Variants in SLC8A1 observed in about 807,000 individuals in gnomAD.
SLC8A1 encodes the protein sodium/calcium exchanger 1.
In SLC8A1, 18 loss-of-function variants were observed where a neutral mutation model predicts 68.3. The ratio of observed to expected loss-of-function variants is 0.26; its 90% CI spans 0.18 to 0.39. The LOEUF (loss-of-function observed/expected upper bound fraction) is 0.39. SLC8A1 is among the 10% of genes least tolerant of loss of function. The pLI, the probability that SLC8A1 is intolerant of heterozygous loss-of-function variation, is 1.00. For missense variants in SLC8A1, 985 were observed against 1,156.7 expected (o/e 0.85, Z 2.15); for synonymous variants, 475 against 415.5 (o/e 1.14, Z -1.74).
intron 6 of SLC8A1, among the ~76,000 whole-genome samples, chr2:40,145,341 AG>A (rs1371288194): frequency 1.3e-5 from 2 of 152,104 alleles, no homozygotes; most frequent in Non-Finnish European, 2.9e-5. Flanking sequence ...TGGTTGCCAA[AG>A]GTCAACCATC....
At chr2:40,184,535 A>G (rs2050272157) in intron 2 of SLC8A1, among the ~76,000 whole-genome samples, 4 of 152,214 alleles carry the variant, frequency 2.6e-5, no homozygotes. Context: ...ACTCATGCAC[A>G]GTGATTTCCT....
intron 2 of SLC8A1, among the ~76,000 whole-genome samples, chr2:40,352,075 G>C (rs540109673): frequency 6.6e-6 from 1 of 152,100 alleles, no homozygotes; most frequent in Non-Finnish European, 1.5e-5. Context: ...ATTATGCCTA[G>C]AAATTGTAAC....
intron 7 of SLC8A1, among the ~76,000 whole-genome samples, chr2:40,127,462 A>G (rs2038376888): frequency 1.3e-5 from 2 of 152,074 alleles, no homozygotes; most frequent in Admixed American, 1.3e-4. Context: ...GATTTGCCAT[A>G]TTTCACCCAT....
exon 8 of SLC8A1, chr2:40,115,211 T>C (rs561829178): frequency 3.7e-6 from 5 of 1,341,698 alleles, no homozygotes; most frequent in Non-Finnish European, 5.0e-6. Context: ...TTTTTATGTA[T>C]ATATATGTAT....
chr2:40,330,893 T>C (rs1387795661), intron 2 of SLC8A1, among the ~76,000 whole-genome samples: 3 of 152,174 alleles, frequency 2.0e-5, no homozygotes, highest in Non-Finnish European at 4.4e-5. Flanking sequence ...TAACTACAGA[T>C]AAATATCTAA....
At chr2:40,498,232 T>C (rs1022289044) in intron 1 of SLC8A1, among the ~76,000 whole-genome samples, 1 of 152,076 alleles carries the variant, frequency 6.6e-6, no homozygotes, top group African/African-American at 2.4e-5. Flanking sequence ...ATATATTGGT[T>C]GGACGGTGAA....
intron 1 of SLC8A1, among the ~76,000 whole-genome samples, chr2:40,442,055 G>T (rs1295536265): frequency 1.9e-5 from 2 of 103,400 alleles, no homozygotes; most frequent in East Asian, 3.3e-4. Flanking sequence ...GTGGTGGGGT[G>T]GGGGGAGGGG....
intron 2 of SLC8A1, among the ~76,000 whole-genome samples, chr2:40,266,772 C>A (rs745468468): frequency 2.6e-5 from 4 of 152,102 alleles, no homozygotes; most frequent in Non-Finnish European, 5.9e-5. Context: ...GACTATGGAC[C>A]ACTATTTTCT....
At chr2:40,177,030 G>T (rs1437586529) in intron 3 of SLC8A1, among the ~76,000 whole-genome samples, 4 of 123,508 alleles carry the variant, frequency 3.2e-5, no homozygotes, top group African/African-American at 1.2e-4. Context: ...AGTTATAAAG[G>T]ACACTACTTT....
intron 2 of SLC8A1, among the ~76,000 whole-genome samples, chr2:40,261,087 G>A (rs1349481503): frequency 6.6e-6 from 1 of 152,170 alleles, no homozygotes; most frequent in Non-Finnish European, 1.5e-5. Flanking sequence ...GGTCAAAATG[G>A]CACTTGCTGT....
intron 2 of SLC8A1, among the ~76,000 whole-genome samples, chr2:40,264,367 T>A (rs1214835957): frequency 1.3e-5 from 2 of 152,132 alleles, no homozygotes; most frequent in Admixed American, 1.3e-4. Flanking sequence ...CCCAAAGGAT[T>A]ATAAATCATG....
chr2:40,139,721 C>A, intron 6 of SLC8A1, 45 bp from the exon 10 acceptor site: 1 of 1,578,758 alleles, frequency 6.3e-7, no homozygotes, highest in South Asian at 1.2e-5. Context: ...ACCTGTGTTG[C>A]CGGGTCTTCC....
intron 2 of SLC8A1, among the ~76,000 whole-genome samples, chr2:40,202,000 A>T (rs956642099): frequency 1.3e-5 from 2 of 151,994 alleles, no homozygotes; most frequent in Non-Finnish European, 2.9e-5. Context: ...GTGTATATGC[A>T]TGCATGCTGG....
At chr2:40,291,165 T>G (rs956390512) in intron 2 of SLC8A1, among the ~76,000 whole-genome samples, 2 of 152,194 alleles carry the variant, frequency 1.3e-5, no homozygotes, top group Non-Finnish European at 2.9e-5. Flanking sequence ...AGAAGACCCT[T>G]CTTTTCAGTC....
chr2:40,200,563 C>A (rs968902159), intron 2 of SLC8A1, among the ~76,000 whole-genome samples: 1 of 151,338 alleles, frequency 6.6e-6, no homozygotes, highest in African/African-American at 2.4e-5. Context: ...CCCTCTTAGC[C>A]CCCTTATCAT....
At chr2:40,391,208 CTGTGT>C (rs1685164161) in intron 2 of SLC8A1, among the ~76,000 whole-genome samples, 3 of 34,552 alleles carry the variant, frequency 8.7e-5, no homozygotes, top group Non-Finnish European at 1.6e-4. Context: ...ACACATATGT[CTGTGT>C]GTATGTGTGT....
At chr2:40,356,551 T>A (rs1672716404) in intron 2 of SLC8A1, among the ~76,000 whole-genome samples, 1 of 151,982 alleles carries the variant, frequency 6.6e-6, no homozygotes, top group Non-Finnish European at 1.5e-5. Flanking sequence ...TTCAAAGATA[T>A]TGGATAATGT....
exon 8 of SLC8A1, chr2:40,104,266 G>C (rs1001533966): frequency 6.6e-6 from 1 of 152,178 alleles, no homozygotes; most frequent in African/African-American, 2.4e-5. Context: ...AACAGGCAGA[G>C]TTAAGAAAAT....
intron 1 of SLC8A1, among the ~76,000 whole-genome samples, chr2:40,466,936 A>G (rs910666770): frequency 1.3e-5 from 2 of 150,146 alleles, no homozygotes; most frequent in East Asian, 2.0e-4. Flanking sequence ...AGATATTGAG[A>G]TTAGTAAATT....
Sources: gnomAD v4.1 joint callset for allele counts (sites outside exome capture counted in the v4.1 genomes callset) on GRCh38, gnomAD v4.1.1 for gene constraint, MANE v1.5 for transcripts, NCBI Gene and HGNC (gene_info 2026-07-23, HGNC 2026-07-21) for gene names.